TENM3: variants seen among roughly 807,000 people sequenced by gnomAD.
The protein encoded by TENM3 is teneurin-3.
TENM3 carries 63 observed loss-of-function variants against 255.1 expected under a neutral mutation model. The ratio of observed to expected loss-of-function variants is 0.25; its 90% CI spans 0.20 to 0.30. TENM3 has a LOEUF of 0.30. TENM3 is among the 10% of genes least tolerant of loss of function. TENM3 has a pLI of 1.00. For synonymous variants in TENM3, 1,306 were observed against 1,322.3 expected (o/e 0.99, Z 0.27); for missense variants, 2,929 against 3,461.1 (o/e 0.85, Z 3.86).
chr4:181,673,379 CT>C, the TENM3 span, among the ~76,000 whole-genome samples: 3 of 151,982 alleles, frequency 2.0e-5, no homozygotes, highest in African/African-American at 4.8e-5. Flanking sequence ...TAAATCCTGC[CT>C]TTGATTAAAA....
chr4:181,803,038 G>A, the TENM3 span, among the ~76,000 whole-genome samples: 9 of 152,086 alleles, frequency 5.9e-5, no homozygotes, highest in Admixed American at 1.3e-4. Context: ...ATTAAGAATG[G>A]TATATCCTTT....
intron 3 of TENM3, among the ~76,000 whole-genome samples, chr4:182,419,837 G>A (rs891229977): frequency 1.3e-5 from 2 of 150,080 alleles, no homozygotes; most frequent in Admixed American, 6.6e-5. Flanking sequence ...ACTTGGACAC[G>A]GGGTGAGGAA....
intron 3 of TENM3, among the ~76,000 whole-genome samples, chr4:182,459,648 G>C (rs1314457291): frequency 6.6e-6 from 1 of 151,836 alleles, no homozygotes; most frequent in Non-Finnish European, 1.5e-5. Flanking sequence ...TCACTTCTGT[G>C]CTTCCAGTTA....
chr4:182,425,791 C>T (rs1411428156), intron 3 of TENM3, among the ~76,000 whole-genome samples: 1 of 152,050 alleles, frequency 6.6e-6, no homozygotes, highest in African/African-American at 2.4e-5. Context: ...AGGCGGATCA[C>T]GAGGTCAGGA....
chr4:182,777,846 T>C (rs1336698827), intron 24 of TENM3, among the ~76,000 whole-genome samples: 1 of 130,642 alleles, frequency 7.7e-6, no homozygotes, highest in East Asian at 2.2e-4. Flanking sequence ...CATATATATA[T>C]ATATGCTGTT....
At chr4:181,697,289 G>A in the TENM3 span, among the ~76,000 whole-genome samples, 2 of 152,182 alleles carry the variant, frequency 1.3e-5, no homozygotes, top group Admixed American at 6.5e-5. Context: ...ACATATGACC[G>A]ATTTCAGCAG....
chr4:182,131,282 GAT>G, the TENM3 span, among the ~76,000 whole-genome samples: 1 of 152,144 alleles, frequency 6.6e-6, no homozygotes, highest in Admixed American at 6.5e-5. Flanking sequence ...GTTTATCAGT[GAT>G]TGCAGATCAC....
chr4:182,545,910 C>T (rs1375521348), intron 3 of TENM3, among the ~76,000 whole-genome samples: 1 of 152,186 alleles, frequency 6.6e-6, no homozygotes, highest in East Asian at 1.9e-4. Flanking sequence ...ACATTTGACT[C>T]CTCCAAAACT....
rs1343005934 is a variant in TENM3 at position 182,802,478 on chromosome 4, G to A, written c.*2127G>A. The A allele has an allele frequency of 6.6e-6, 1 of 152,620 alleles. No homozygotes were observed. The highest frequency in any genetic ancestry group is 2.4e-5 in the African/African-American group (1 of 41,446). The allele number at this position is 152,620 out of a possible 1,614,324, so 9.5% of individuals were successfully genotyped here. On this transcript the variant is annotated 3_prime_UTR_variant, in exon 28 of 28. Coordinates refer to ENST00000511685, the MANE Select transcript of TENM3 (RefSeq NM_001080477.4). ...AGTACTTTTGGGTGAAATAGGCTCT[G>A]AGTCTAAATTCTCAGACATGTTTCT...
the TENM3 span, chr4:181,819,903 G>T: frequency 6.6e-6 from 1 of 151,720 alleles, no homozygotes; most frequent in Non-Finnish European, 1.5e-5. Flanking sequence ...AAGTAACTGT[G>T]GTTCTCAAAA....
the TENM3 span, among the ~76,000 whole-genome samples, chr4:181,645,130 A>G: frequency 6.6e-6 from 1 of 152,264 alleles, no homozygotes; most frequent in Non-Finnish European, 1.5e-5. Context: ...AGATTCCTGG[A>G]TGATCACATT....
the TENM3 span, chr4:181,522,659 CA>C: frequency 1.7e-6 from 1 of 606,050 alleles, no homozygotes; most frequent in Non-Finnish European, 3.2e-6. Flanking sequence ...TTTTCAGAAC[CA>C]AAATGCAGAA....
the TENM3 span, among the ~76,000 whole-genome samples, chr4:181,794,102 A>G: frequency 0.27 from 41,392 of 152,042 alleles, 5,775 homozygotes; most frequent in South Asian, 0.35. Flanking sequence ...TATAGTTTAC[A>G]TATCTTAAGT....
intron 3 of TENM3, among the ~76,000 whole-genome samples, chr4:182,551,675 G>A (rs186303918): frequency 1.1e-4 from 16 of 152,188 alleles, no homozygotes; most frequent in Non-Finnish European, 1.9e-4. Context: ...GCAGACCAGT[G>A]GAATTTGATA....
the TENM3 span, among the ~76,000 whole-genome samples, chr4:181,576,866 T>G: frequency 7.3e-5 from 10 of 137,342 alleles, no homozygotes; most frequent in East Asian, 2.1e-3. Flanking sequence ...CAGGCTGGAG[T>G]GCAATGGCAC....
chr4:182,053,223 G>A, the TENM3 span, among the ~76,000 whole-genome samples: 2 of 152,122 alleles, frequency 1.3e-5, no homozygotes, highest in Admixed American at 1.3e-4. Context: ...CACTGTATAG[G>A]AATTTGCAGT....
At chr4:181,693,254 C>T in the TENM3 span, among the ~76,000 whole-genome samples, 1 of 152,162 alleles carries the variant, frequency 6.6e-6, no homozygotes, top group Non-Finnish European at 1.5e-5. Flanking sequence ...GCCCATTGTA[C>T]ATTTATGGGG....
chr4:182,228,547 C>A (rs1034982511), intron 1 of TENM3, among the ~76,000 whole-genome samples: 1 of 151,662 alleles, frequency 6.6e-6, no homozygotes, highest in African/African-American at 2.4e-5. Flanking sequence ...TAGGGTCTAC[C>A]GGTTCAAAGA....
chr4:181,472,519 C>A, the TENM3 span, among the ~76,000 whole-genome samples: 2,451 of 151,934 alleles, frequency 0.016, 64 homozygotes, highest in African/African-American at 0.052. Context: ...GACAAAGAGG[C>A]CAGATAAGGG....
Sources: gnomAD v4.1 joint callset for allele counts (sites outside exome capture counted in the v4.1 genomes callset) on GRCh38, gnomAD v4.1.1 for gene constraint, MANE v1.5 for transcripts, NCBI Gene and HGNC (gene_info 2026-07-23, HGNC 2026-07-21) for gene names.